The following COL7A1 variants were observed in gnomAD, a reference collection of about 807,000 sequenced individuals.
COL7A1 encodes collagen type VII alpha 1 chain.
In COL7A1, 296 loss-of-function variants were observed where a neutral mutation model predicts 456.2. The ratio of observed to expected loss-of-function variants is 0.65; its 90% CI spans 0.59 to 0.71. COL7A1 has a LOEUF of 0.71. COL7A1 is among the 30% of genes least tolerant of loss of function. The pLI is 0.00. For synonymous variants in COL7A1, 1,464 were observed against 1,525.9 expected (o/e 0.96, Z 0.95); for missense variants, 3,441 against 4,017.2 (o/e 0.86, Z 3.88).
In COL7A1 at chr3:48,590,050, C is replaced by T. The variant is rs777855824; in HGVS notation, c.2050+163G>A. Among the ~76,000 whole-genome samples, 6 of 151,910 alleles carry T rather than the reference C, an allele frequency of 3.9e-5. No individual in the cohort carries two copies. The highest frequency in any genetic ancestry group is 7.4e-5 in the Non-Finnish European group (5 of 67,970). ...AATACGGGGAGGGCTTAAGGGGAGACAGCTGAAACTGAAGAGGAAGCAGCG... is the reference window on the plus strand; with the variant it reads ...AATACGGGGAGGGCTTAAGGGGAGATAGCTGAAACTGAAGAGGAAGCAGCG... On this transcript the variant is annotated intron_variant, in intron 16 of 118. Transcript: ENST00000681320. The surrounding 1 kb of genome is among the most constrained non-coding windows in gnomAD (Gnocchi z 4.6).
rs148061950 is a variant in COL7A1, at chr3:48,585,967, T to C, written c.3732A>G (p.Pro1244=). The C allele has an allele frequency of 2.9e-5, 47 of 1,613,856 alleles. No homozygotes were observed. Among genetic ancestry groups the C allele is most frequent in the Non-Finnish European group, 3.6e-5 (42 of 1,180,018 alleles). The change falls in exon 29 of 119, where the codon CCA becomes CCG. Residue 1244 remains proline (P), a synonymous_variant. Transcript: ENST00000681320. This position sits in a 1 kb window ranked among gnomAD's most constrained non-coding sequence, Gnocchi z 4.5. ...CQASFTTQPR[P]EPCPVYCPKG... is the part of the protein sequence containing the mutation. Reference sequence around the variant, plus strand: ...TTGGACAATACACTGGGCAGGGCTCTGGCCGGGGCTGCGGACATAGGGTCT... The same window carrying C: ...TTGGACAATACACTGGGCAGGGCTCCGGCCGGGGCTGCGGACATAGGGTCT...
chr3:48,582,333 G>C lies in COL7A1; in HGVS notation c.4625C>G (p.Pro1542Arg), dbSNP rs1233245760. 6.2e-7 allele frequency: 1 copy of C among 1,614,004 alleles called. No individual in the cohort carries two copies. The highest frequency in any genetic ancestry group is 8.5e-7 in the Non-Finnish European group (1 of 1,179,978). The change falls in exon 47 of 119, where the codon CCT becomes CGT. Residue 1542 changes from proline to arginine, a missense_variant. Physicochemically the swap from Pro to Arg is moderately radical, Grantham distance 103 (BLOSUM62 -2). Around this residue, in one of 3 missense-constraint regions of COL7A1, gnomAD observed 2,084 missense variants for 2,501.3 expected, o/e 0.83. Coordinates refer to ENST00000681320, the MANE Select transcript of COL7A1 (RefSeq NM_000094.4). Reference sequence around the variant, plus strand: ...CCTCCCGTCACTCACCACCACTGCAGGGTCCCCAGGGCGACCAGGCTCCCC... The same window carrying C: ...CCTCCCGTCACTCACCACCACTGCACGGTCCCCAGGGCGACCAGGCTCCCC... ...EKGEPGRPGD[P>R]AVVGPAVAGP...
chr3:48,588,225 G>A lies in COL7A1; in HGVS notation c.2710+57C>T, dbSNP rs923989413. On this transcript the variant is annotated intron_variant, in intron 21 of 118. Coordinates refer to ENST00000681320, the MANE Select transcript of COL7A1 (RefSeq NM_000094.4). The surrounding 1 kb of genome is among the most constrained non-coding windows in gnomAD (Gnocchi z 4.6). The stretch of plus-strand genomic sequence containing the variant: ...TCACTGTCCTCGCCTACCTTGCGGA[G>A]TCTGCCACAGCCCTGCCCCCAATGG... The A allele has an allele frequency of 6.2e-7, 1 of 1,612,196 alleles. No individual in the cohort carries two copies. Among genetic ancestry groups the A allele is most frequent in the Non-Finnish European group, 8.5e-7 (1 of 1,179,794 alleles).
Position 48,583,377 on chromosome 3 carries a change from C to T in COL7A1, c.4437+16G>A, listed in dbSNP as rs755912565. On this transcript the variant is annotated intron_variant, in intron 42 of 118. Transcript: ENST00000681320. This position sits in a 1 kb window ranked among gnomAD's most constrained non-coding sequence, Gnocchi z 5.1. The stretch of plus-strand genomic sequence containing the variant: ...AGTAGCACCCCTCACACCTGAATCC[C>T]CCAACTGGTACTCACTTTGGGGCCA... 3.5e-5 allele frequency: 56 copies of T among 1,613,954 alleles called. No individual in the cohort carries two copies. Among genetic ancestry groups the T allele is most frequent in the Non-Finnish European group, 4.7e-5 (55 of 1,179,948 alleles).
chr3:48,583,163 C>T lies in COL7A1; in HGVS notation c.4446G>A (p.Arg1482=), dbSNP rs556116285. ...PPGAIGPKGD[R]GFPGPLGEAG... is the part of the protein sequence containing the mutation. Reference sequence around the variant, plus strand: ...CCTCACCCAGGGGCCCTGGAAAGCCCCGGTCACCCTGAAGAGAGAGGGTGA... The same window carrying T: ...CCTCACCCAGGGGCCCTGGAAAGCCTCGGTCACCCTGAAGAGAGAGGGTGA... Residue 1482 remains arginine, a synonymous_variant, in exon 43 of 119, where the codon CGG becomes CGA. Coordinates refer to ENST00000681320, the MANE Select transcript of COL7A1 (RefSeq NM_000094.4). This position sits in a 1 kb window ranked among gnomAD's most constrained non-coding sequence, Gnocchi z 5.1. 16 of 1,613,848 alleles carry T rather than the reference C, an allele frequency of 9.9e-6. No homozygotes were observed. In the East Asian group the frequency reaches 2.9e-4, roughly 29 times the overall value.
rs201243313 is a variant in COL7A1, at chr3:48,572,474, C to T, written c.6936+29G>A. ...TCCTTGGCCCCCACCAGTTGACCCC[C>T]CCTCACTGGCAGCCCCACACACACT... On this transcript the variant is annotated intron_variant, in intron 89 of 118. Transcript: ENST00000681320. This position sits in a 1 kb window ranked among gnomAD's most constrained non-coding sequence, Gnocchi z 4.6. The T allele has an allele frequency of 1.5e-5, 24 of 1,613,900 alleles. No homozygotes were observed. In the East Asian group the frequency reaches 5.1e-4, roughly 34 times the overall value.
In COL7A1 at chr3:48,565,492, G is replaced by A. The variant is rs1575415464; in HGVS notation, c.8445C>T (p.Pro2815=). ...CAGTGTCTGCAGCATAACTAGGGAG[G>A]GGTCCTGGAGCCAAGAGCAGGGGCC... ...QGQFIASGSR[P]LPSYAADTAG... The change falls in exon 116 of 119, where the codon CCC becomes CCT. Residue 2815 remains proline, a synonymous_variant. Coordinates refer to ENST00000681320, the MANE Select transcript of COL7A1 (RefSeq NM_000094.4). The surrounding 1 kb of genome is among the most constrained non-coding windows in gnomAD (Gnocchi z 4.5). 1 of 1,613,486 alleles carries A rather than the reference G, an allele frequency of 6.2e-7. No homozygotes were observed. Among genetic ancestry groups the A allele is most frequent in the African/African-American group, 1.3e-5 (1 of 74,918 alleles).
chr3:48,577,338 T>C (rs1000777480), intron 65 of COL7A1, among the ~76,000 whole-genome samples: 1 of 152,234 alleles, frequency 6.6e-6, no homozygotes, highest in Admixed American at 6.5e-5. Context: ...TGCATATCCA[T>C]GTGTGTCTTA....
chr3:48,568,049 C>A lies in COL7A1; in HGVS notation c.7875+41G>T. 6.2e-7 allele frequency: 1 copy of A among 1,612,586 alleles called. No homozygotes were observed. Among genetic ancestry groups the A allele is most frequent in the South Asian group, 1.1e-5 (1 of 91,038 alleles). On this transcript the variant is annotated intron_variant, in intron 106 of 118. Coordinates refer to ENST00000681320, the MANE Select transcript of COL7A1 (RefSeq NM_000094.4). The surrounding 1 kb of genome is among the most constrained non-coding windows in gnomAD (Gnocchi z 5.2). ...AGGTCCCTCGCCCTTCAACATTAGG[C>A]CTTCCTGACCAGAAAAAAACCAATC...
rs768482060 is a variant in COL7A1, at chr3:48,579,824, G to A, written c.5125-10C>T. The A allele has an allele frequency of 1.3e-4, 216 of 1,613,978 alleles. 2 individuals carry two copies. In the South Asian group the frequency reaches 2.1e-3, roughly 16 times the overall value. ...CAGGTCCTGTGTCTACCTGTGGGGG[G>A]AATGACCAGTGAGAAGAATGGCTCA... On this transcript the variant is annotated splice_polypyrimidine_tract_variant and intron_variant, in intron 57 of 118. Coordinates refer to ENST00000681320, the MANE Select transcript of COL7A1 (RefSeq NM_000094.4). This position sits in a 1 kb window ranked among gnomAD's most constrained non-coding sequence, Gnocchi z 4.4.
At position 48,576,412 on chromosome 3, in the gene COL7A1, G is replaced by A. The variant is rs1415278664; in HGVS notation, c.5760C>T (p.Ser1920=). The A allele has an allele frequency of 6.2e-7, 1 of 1,613,650 alleles. No homozygotes were observed. Among genetic ancestry groups the A allele is most frequent in the Non-Finnish European group, 8.5e-7 (1 of 1,179,996 alleles). Residue 1920 remains serine, a synonymous_variant, in exon 70 of 119, where the codon TCC becomes TCT. Transcript: ENST00000681320. ...GTGGGGGCCTCACCTGCTCCCCTTT[G>A]GATCCAGTCTCCCCACGGTCACCCT... ...GPKGDRGETG[S]KGEQGLPGER...
rs147600715 is a variant in COL7A1 at position 48,573,052 on chromosome 3, G to A, written c.6719C>T (p.Pro2240Leu). 10 of 1,614,106 alleles carry A rather than the reference G, an allele frequency of 6.2e-6. No individual in the cohort carries two copies. The African/African-American group carries it at 8.0e-5, about 13-fold the overall frequency. ...TCCAGGCAAACCTGGAGACCCCTGT[G>A]GACCCTGACGGAGAACAAGTCGGAT... is the stretch of plus-strand genomic sequence containing the variant. ...GPPGPSGLVG[P>L]QGSPGLPGQV... The change falls in exon 86 of 119, where the codon CCA (proline) becomes CTA (leucine). Residue 2240 changes from proline to leucine, a missense_variant. By Grantham distance (98) the Pro-to-Leu change is moderately conservative. Transcript: ENST00000681320. The surrounding 1 kb of genome is among the most constrained non-coding windows in gnomAD (Gnocchi z 5.5).
chr3:48,593,543 G>T lies in COL7A1; in HGVS notation c.420C>A (p.Val140=), dbSNP rs750925861. 2 of 1,614,152 alleles carry T rather than the reference G, an allele frequency of 1.2e-6. No homozygotes were observed. The highest frequency in any genetic ancestry group is 2.2e-5 in the South Asian group (2 of 91,082). Residue 140 remains valine (V), a synonymous_variant, in exon 4 of 119, where the codon GTC becomes GTA. Transcript: ENST00000681320. This position sits in a 1 kb window ranked among gnomAD's most constrained non-coding sequence, Gnocchi z 4.4. ...TGGTAGGGGTAGGGATCACCTTGGG[G>T]ACACCAGGTCGGGCCAGCTGGGGCA... The part of the protein sequence containing the change: ...VFLPQLARPG[V]PKVCILITDG...
rs907556136 is a variant in COL7A1, at chr3:48,579,164, AG to A, written c.5388+32del. On this transcript the variant is annotated intron_variant, in intron 62 of 118. Transcript: ENST00000681320. This position sits in a 1 kb window ranked among gnomAD's most constrained non-coding sequence, Gnocchi z 4.4. ...GGTCCTCATGTGAAGGGGTAGGGGA[AG>A]GGGACAACCAGGCAGGACTACCAAG... is the stretch of plus-strand genomic sequence containing the variant. 9.9e-6 allele frequency: 16 copies of A among 1,609,950 alleles called. No individual in the cohort carries two copies. Among genetic ancestry groups the A allele is most frequent in the African/African-American group, 4.0e-5 (3 of 74,866 alleles).
chr3:48,581,549 C>G lies in COL7A1; in HGVS notation c.4782+24G>C. The G allele has an allele frequency of 1.2e-6, 2 of 1,614,126 alleles. No individual in the cohort carries two copies. Among genetic ancestry groups the G allele is most frequent in the Non-Finnish European group, 1.7e-6 (2 of 1,180,008 alleles). On this transcript the variant is annotated intron_variant, in intron 50 of 118. Transcript: ENST00000681320. This position sits in a 1 kb window ranked among gnomAD's most constrained non-coding sequence, Gnocchi z 5.8. ...CACCACCTCATCTCCCTCTGTCACA[C>G]TCCCCATTCCCACATTGATTCACCC...
Position 48,573,418 on chromosome 3 carries a change from CAGG to C in COL7A1, c.6619-73_6619-71del. ...GGGCTCCTGGAGCTCATCCTCATTG[CAGG>C]AGATGACAGCCCAGGAGGTTGGCGC... is the stretch of plus-strand genomic sequence containing the variant. On this transcript the variant is annotated intron_variant, in intron 83 of 118. Coordinates refer to ENST00000681320, the MANE Select transcript of COL7A1 (RefSeq NM_000094.4). The surrounding 1 kb of genome is among the most constrained non-coding windows in gnomAD (Gnocchi z 5.5). The C allele has an allele frequency of 4.3e-6, 7 of 1,613,558 alleles. No individual in the cohort carries two copies. In the South Asian group the frequency reaches 5.5e-5, roughly 13 times the overall value.
In COL7A1 at chr3:48,569,253, G is replaced by C. The variant is rs2043763882; in HGVS notation, c.7686+122C>G. The C allele has an allele frequency of 1.6e-6, 2 of 1,226,730 alleles. No homozygotes were observed. The highest frequency in any genetic ancestry group is 1.2e-6 in the Non-Finnish European group (1 of 834,462). 76.0% of individuals were successfully genotyped at this position (1,226,730 alleles called of 1,614,324 possible). ...CTCGGCCACTCCATAGTCAGCCACA[G>C]AACCCCTTCCCCCTAAACCCCAGAA... is the stretch of plus-strand genomic sequence containing the variant. On this transcript the variant is annotated intron_variant, in intron 103 of 118. Coordinates refer to ENST00000681320, the MANE Select transcript of COL7A1 (RefSeq NM_000094.4). This position sits in a 1 kb window ranked among gnomAD's most constrained non-coding sequence, Gnocchi z 4.9.
chr3:48,579,802 G>T lies in COL7A1; in HGVS notation c.5137C>A (p.Pro1713Thr). 1 of 1,614,050 alleles carries T rather than the reference G, an allele frequency of 6.2e-7. No homozygotes were observed. The highest frequency in any genetic ancestry group is 1.7e-5 in the Admixed American group (1 of 60,026). The change falls in exon 58 of 119, where the codon CCT becomes ACT. Residue 1713 changes from proline to threonine, a missense_variant. Physicochemically the swap from Pro to Thr is conservative, Grantham distance 38 (BLOSUM62 -1). Transcript: ENST00000681320. The surrounding 1 kb of genome is among the most constrained non-coding windows in gnomAD (Gnocchi z 4.4). ...CCTAATACCTTCTCTCTGGCTCCAG[G>T]TCCTGTGTCTACCTGTGGGGGGAAT... ...GPPGRLVDTG[P>T]GAREKGEPGD... is the part of the protein sequence containing the mutation.
In COL7A1 at chr3:48,593,701, T is replaced by TG; in HGVS notation, c.267-6dup. 6.2e-7 allele frequency: 1 copy of TG among 1,614,160 alleles called. No homozygotes were observed. Among genetic ancestry groups the TG allele is most frequent in the Non-Finnish European group, 8.5e-7 (1 of 1,179,998 alleles). On this transcript the variant is annotated splice_polypyrimidine_tract_variant and splice_region_variant and intron_variant, in intron 3 of 118. Transcript: ENST00000681320. The surrounding 1 kb of genome is among the most constrained non-coding windows in gnomAD (Gnocchi z 4.4). ...GCATCCAGGCCGAACTCTGTCCTGT[T>TG]GGAGGGTAGGGGTGGCAACAGGCTA...
Sources: gnomAD v4.1 joint callset for allele counts (sites outside exome capture counted in the v4.1 genomes callset) on GRCh38, gnomAD v4.1.1 for gene constraint, gnomAD v4.1.1 regional missense constraint, Gnocchi (gnomAD v3.1) non-coding constraint, MANE v1.5 for transcripts, NCBI Gene and HGNC (gene_info 2026-07-23, HGNC 2026-07-21) for gene names.